SEMA5B: variants seen among roughly 807,000 people sequenced by gnomAD.
SEMA5B encodes semaphorin 5B.
A neutral mutation model predicts 135.0 loss-of-function variants in SEMA5B; 66 were observed. The ratio of observed to expected loss-of-function variants is 0.49; its 90% CI spans 0.40 to 0.60. The LOEUF (loss-of-function observed/expected upper bound fraction) is 0.60, where lower values mean the gene tolerates loss of function less well. Among genes scored for constraint, SEMA5B ranks in the 20% least tolerant of loss-of-function variants. SEMA5B has a pLI of 0.00. For synonymous variants in SEMA5B, 690 were observed against 639.5 expected, an observed-to-expected ratio of 1.08 and a Z score of -1.19; for missense variants, 1,501 against 1,566.3, an observed-to-expected ratio of 0.96 and a Z score of 0.70.
intron 1 of SEMA5B, among the ~76,000 whole-genome samples, chr3:122,966,673 G>A (rs1576374127): frequency 1.3e-5 from 2 of 150,330 alleles, no homozygotes; most frequent in Non-Finnish European, 3.0e-5. Context: ...TCCTGCCTCA[G>A]CCTCCCAAGT....
chr3:123,027,744 C>G lies in SEMA5B; in HGVS notation c.-319G>C, dbSNP rs1274203923. 2 of 152,048 alleles carry G rather than the reference C, an allele frequency of 1.3e-5. No individual in the cohort carries two copies. The highest frequency in any genetic ancestry group is 2.9e-5 in the Non-Finnish European group (2 of 67,998). The allele number at this position is 152,048 out of a possible 1,614,324, so 9.4% of individuals were successfully genotyped here. Reference sequence around the variant, plus strand: ...GCGCTCCAACTAGCTCCCGACCCGGCGCTCGGAGAGAGCAGGGAGGAGGAG... The same window carrying G: ...GCGCTCCAACTAGCTCCCGACCCGGGGCTCGGAGAGAGCAGGGAGGAGGAG... On this transcript the variant is annotated 5_prime_UTR_variant, in exon 1 of 23. Transcript: ENST00000357599.
At chr3:123,010,707 G>A in intron 1 of SEMA5B, among the ~76,000 whole-genome samples, 1 of 151,652 alleles carries the variant, frequency 6.6e-6, no homozygotes, top group Admixed American at 6.6e-5. Flanking sequence ...CTACTCAGGA[G>A]GCTGAGGCAG....
intron 1 of SEMA5B, among the ~76,000 whole-genome samples, chr3:122,997,518 T>TCTCCGCCC (rs764169923): frequency 7.0e-6 from 1 of 142,884 alleles, no homozygotes; most frequent in African/African-American, 2.6e-5. Flanking sequence ...CCCAGGCCTC[T>TCTCCGCCC]CCCCCCCCCG....
chr3:122,965,308 C>T (rs911310469), intron 1 of SEMA5B, among the ~76,000 whole-genome samples: 1 of 152,198 alleles, frequency 6.6e-6, no homozygotes, highest in African/African-American at 2.4e-5. Context: ...GGCAATGTTC[C>T]CAGCCTCAGG....
intron 1 of SEMA5B, among the ~76,000 whole-genome samples, chr3:123,026,408 G>T (rs1205463385): frequency 1.3e-5 from 2 of 151,970 alleles, no homozygotes; most frequent in African/African-American, 4.8e-5. Context: ...CGCCTGGCGC[G>T]GCGGGCAGTC....
intron 10 of SEMA5B, 124 bp from the exon 11 acceptor site, chr3:122,922,571 A>ACCCCTAGCAT (rs1288650717): frequency 5.9e-6 from 5 of 847,420 alleles, no homozygotes. Flanking sequence ...AGCACCCCCC[A>ACCCCTAGCAT]CCCCTAGCAT....
chr3:122,924,443 C>T (rs1576338150), intron 9 of SEMA5B, among the ~76,000 whole-genome samples: 2 of 152,204 alleles, frequency 1.3e-5, no homozygotes, highest in Non-Finnish European at 2.9e-5. Context: ...CATTGTCCTC[C>T]TGGTGGTCTG....
At position 122,922,354 on chromosome 3, in the gene SEMA5B, GC is replaced by G. The variant is rs1335922167; in HGVS notation, c.1365del (p.Gln456SerfsTer3). ...AQRLFLMSEA[V>X]QPVTPEPCVT... ...ACACAGGGCTCGGGTGTCACCGGCT[GC>G]ACGGCCTCGCTCATCAGGAAGAGGC... On this transcript the variant is annotated frameshift_variant, in exon 11 of 23. Coordinates refer to ENST00000357599, the MANE Select transcript of SEMA5B (RefSeq NM_001031702.4). LOFTEE classifies it high-confidence loss of function. The G allele has an allele frequency of 6.2e-7, 1 of 1,613,402 alleles. No homozygotes were observed. The highest frequency in any genetic ancestry group is 8.5e-7 in the Non-Finnish European group (1 of 1,179,750).
At chr3:122,915,954 A>G in intron 12 of SEMA5B, 64 bp from the exon 13 acceptor site, 4 of 1,117,706 alleles carry the variant, frequency 3.6e-6, no homozygotes, top group South Asian at 2.5e-5. Flanking sequence ...CATCTCAGGA[A>G]CACACGTGAA....
intron 1 of SEMA5B, among the ~76,000 whole-genome samples, chr3:122,977,462 T>A (rs1941369439): frequency 6.6e-6 from 1 of 152,222 alleles, no homozygotes; most frequent in African/African-American, 2.4e-5. Context: ...CCTATATTTT[T>A]ACTTGCTAAG....
At chr3:122,910,675 T>A (rs1452114430) in intron 22 of SEMA5B, among the ~76,000 whole-genome samples, 165 bp downstream of exon 22, 1 of 151,244 alleles carries the variant, frequency 6.6e-6, no homozygotes, top group African/African-American at 2.4e-5. Context: ...CCGGGCGTAG[T>A]GGCGGGCGCC....
At chr3:122,960,336 T>C (rs914296481) in intron 2 of SEMA5B, among the ~76,000 whole-genome samples, 4 of 152,186 alleles carry the variant, frequency 2.6e-5, no homozygotes, top group African/African-American at 9.7e-5. Context: ...TTAATGCCAC[T>C]GAACCGCATA....
chr3:122,926,087 C>T (rs1044426520), intron 9 of SEMA5B, among the ~76,000 whole-genome samples: 4 of 152,170 alleles, frequency 2.6e-5, no homozygotes, highest in Non-Finnish European at 5.9e-5. Flanking sequence ...CTGCCTGCTC[C>T]CCTCCCCTAC....
chr3:122,927,739 G>A (rs769882274), intron 8 of SEMA5B, 51 bp downstream of exon 8: 3 of 1,313,354 alleles, frequency 2.3e-6, no homozygotes, highest in Non-Finnish European at 3.0e-6. Context: ...GGGTGGGCTG[G>A]TGGGCTCAAA....
chr3:122,925,450 C>T (rs1261272090), intron 9 of SEMA5B, among the ~76,000 whole-genome samples: 3 of 151,972 alleles, frequency 2.0e-5, no homozygotes, highest in Admixed American at 6.5e-5. Context: ...AGGCAGATCA[C>T]GAGGTCAGGA....
chr3:122,998,038 G>A (rs1942070474), intron 1 of SEMA5B, among the ~76,000 whole-genome samples: 1 of 152,176 alleles, frequency 6.6e-6, no homozygotes, highest in Non-Finnish European at 1.5e-5. Context: ...TGACAGTGAT[G>A]TACCTGGCTG....
intron 12 of SEMA5B, among the ~76,000 whole-genome samples, chr3:122,919,341 G>A (rs1354300960): frequency 1.3e-5 from 2 of 152,274 alleles, no homozygotes; most frequent in South Asian, 2.1e-4. Context: ...TAAAACACCC[G>A]CTTTGCAGAG....
chr3:122,913,802 A>C, intron 15 of SEMA5B, 56 bp downstream of exon 15: 1 of 1,565,794 alleles, frequency 6.4e-7, no homozygotes. Flanking sequence ...AATCCAGGCC[A>C]CTTTCTGGGG....
chr3:122,978,751 C>A (rs772273736), intron 1 of SEMA5B, among the ~76,000 whole-genome samples: 1 of 152,052 alleles, frequency 6.6e-6, no homozygotes, highest in Non-Finnish European at 1.5e-5. Context: ...CAGGGCCTTG[C>A]GTGATGGGGA....
Sources: allele counts gnomAD v4.1 joint callset (sites outside exome capture counted in the v4.1 genomes callset), GRCh38; gene constraint gnomAD v4.1.1; transcripts MANE v1.5; gene names NCBI Gene and HGNC (gene_info 2026-07-23, HGNC 2026-07-21).